The following KIRREL3 variants were observed in gnomAD, a reference collection of about 807,000 sequenced individuals.
KIRREL3 encodes kirre like nephrin family adhesion molecule 3.
A neutral mutation model predicts 89.7 loss-of-function variants in KIRREL3; 36 were observed. The ratio of observed to expected loss-of-function variants is 0.40; its 90% confidence interval spans 0.31 to 0.53. KIRREL3 has a LOEUF of 0.53. Among genes scored for constraint, KIRREL3 ranks in the 20% least tolerant of loss-of-function variants. The pLI, the probability that KIRREL3 is intolerant of heterozygous loss-of-function variation, is 0.49. For missense variants in KIRREL3, 864 were observed against 1,056.6 expected (o/e 0.82, Z 2.53); for synonymous variants, 445 against 441.4 (o/e 1.01, Z -0.10).
At chr11:126,580,243 G>T (rs1260655926) in intron 1 of KIRREL3, among the ~76,000 whole-genome samples, 1 of 152,204 alleles carries the variant, frequency 6.6e-6, no homozygotes, top group Non-Finnish European at 1.5e-5. Flanking sequence ...GGGCACAGCT[G>T]AAAGCATAAA....
chr11:126,949,594 A>G (rs557531697), intron 1 of KIRREL3, among the ~76,000 whole-genome samples: 3 of 152,220 alleles, frequency 2.0e-5, no homozygotes, highest in Non-Finnish European at 2.9e-5. Context: ...CCATTCAGCC[A>G]TCAACAAAAG....
At position 126,995,454 on chromosome 11, in the gene KIRREL3, C is replaced by A. The variant is rs546053352; in HGVS notation, c.55+5001G>T. 1.0e-5 allele frequency: 4 copies of A among 393,510 alleles called. No homozygotes were observed. Among genetic ancestry groups the A allele is most frequent in the Admixed American group, 6.3e-5 (2 of 31,786 alleles). 24.4% of individuals were successfully genotyped at this position (393,510 alleles called of 1,614,324 possible). A position where few individuals can be genotyped will look rare whatever the true frequency, so the allele number is the denominator to read the frequency against. On this transcript the variant is annotated intron_variant, in intron 1 of 16. Transcript: ENST00000525144. The surrounding 1 kb of genome is among the most constrained non-coding windows in gnomAD (Gnocchi z 6.5). Reference sequence around the variant, plus strand: ...GGACCCCAATAAAAAAACGCCTGCACTGTTTTTCACCTAAGGTCATCTCGA... The same window carrying A: ...GGACCCCAATAAAAAAACGCCTGCAATGTTTTTCACCTAAGGTCATCTCGA...
chr11:126,424,187 G>C lies in KIRREL3; in HGVS notation c.*393C>G, dbSNP rs1591509579. On this transcript the variant is annotated 3_prime_UTR_variant, in exon 17 of 17. Transcript: ENST00000525144. ...AGGCACAGGGGTAGGTAGAGCTTCT[G>C]GTCAGCGAGGGGTAGAGCCCACAGA... 3.8e-6 allele frequency: 1 copy of C among 262,190 alleles called. No homozygotes were observed. Among genetic ancestry groups the C allele is most frequent in the East Asian group, 8.9e-5 (1 of 11,202 alleles). 16.2% of individuals were successfully genotyped at this position (262,190 alleles called of 1,614,324 possible).
chr11:126,446,776 T>C lies in KIRREL3; in HGVS notation c.1108A>G (p.Lys370Glu). 1 of 1,602,402 alleles carries C rather than the reference T, an allele frequency of 6.2e-7. No homozygotes were observed. The highest frequency in any genetic ancestry group is 8.5e-7 in the Non-Finnish European group (1 of 1,174,806). ...AGCCTCACCACTCCGGAGCCCCGCT[T>C]CATCCAGACGATGGTCAGGGATGGG... ...GNPSLTIVWMKRGSGVVLSNE... is the reference protein window; with the variant it reads ...GNPSLTIVWMERGSGVVLSNE... Residue 370 changes from lysine (K) to glutamate (E), a missense_variant, in exon 9 of 17, where the codon AAG becomes GAG. Transcript: ENST00000525144.
At chr11:126,910,933 A>C (rs1210126654) in intron 1 of KIRREL3, among the ~76,000 whole-genome samples, 1 of 152,240 alleles carries the variant, frequency 6.6e-6, no homozygotes, top group Non-Finnish European at 1.5e-5. Flanking sequence ...GCAGTGAGCA[A>C]GACTGAAAGA....
chr11:126,488,367 C>A (rs774858077), intron 4 of KIRREL3, among the ~76,000 whole-genome samples: 4 of 152,232 alleles, frequency 2.6e-5, no homozygotes, highest in Non-Finnish European at 5.9e-5. Flanking sequence ...AGTTTATCAA[C>A]CTTCCTGAGC....
At position 126,430,964 on chromosome 11, in the gene KIRREL3, T is replaced by G; in HGVS notation, c.1696+455A>C. On this transcript the variant is annotated intron_variant, in intron 14 of 16. Transcript: ENST00000525144. This position sits in a 1 kb window ranked among gnomAD's most constrained non-coding sequence, Gnocchi z 6.6. ...TAAAAGTTTTCTCAAAGCAATTCCT[T>G]TATTGCTTCCCCACCCACTCCCCCA... 9.5e-7 allele frequency: 1 copy of G among 1,057,062 alleles called. No individual in the cohort carries two copies. The highest frequency in any genetic ancestry group is 1.1e-6 in the Non-Finnish European group (1 of 876,010). The allele number at this position is 1,057,062 out of a possible 1,614,324, so 65.5% of individuals were successfully genotyped here.
At position 126,447,020 on chromosome 11, in the gene KIRREL3, G is replaced by A. The variant is rs549082875; in HGVS notation, c.998-134C>T. The A allele has an allele frequency of 3.3e-5, 37 of 1,111,774 alleles. 1 individual carries two copies. The highest frequency in any genetic ancestry group is 2.4e-4 in the South Asian group (15 of 63,566). The allele number at this position is 1,111,774 out of a possible 1,614,324, so 68.9% of individuals were successfully genotyped here. On this transcript the variant is annotated intron_variant, in intron 8 of 16. Transcript: ENST00000525144. ...GTGGGGTACTTGTGCCACCTCAGTC[G>A]CTTCCATTTTAAGTCTTATGTCCGG...
intron 1 of KIRREL3, among the ~76,000 whole-genome samples, chr11:126,998,480 T>C (rs1195212681): frequency 6.6e-6 from 1 of 152,148 alleles, no homozygotes; most frequent in African/African-American, 2.4e-5. Context: ...TGGACAGTGA[T>C]GGCCAAGCTC....
intron 1 of KIRREL3, among the ~76,000 whole-genome samples, chr11:126,745,080 A>G (rs1266014336): frequency 1.3e-5 from 2 of 152,114 alleles, no homozygotes; most frequent in South Asian, 2.1e-4. Context: ...CACGCCAGGT[A>G]TCACCTCCCT....
At position 126,615,988 on chromosome 11, in the gene KIRREL3, G is replaced by A. The variant is rs956489356; in HGVS notation, c.56-53076C>T. On this transcript the variant is annotated intron_variant, in intron 1 of 16. Coordinates refer to ENST00000525144, the MANE Select transcript of KIRREL3 (RefSeq NM_032531.4). This position sits in a 1 kb window ranked among gnomAD's most constrained non-coding sequence, Gnocchi z 5.4. ...GTGTGGGGTGCGTGGGTGGGGAGATGCATGACTGCTTTGGTTATGAAACAT... is the reference window on the plus strand; with the variant it reads ...GTGTGGGGTGCGTGGGTGGGGAGATACATGACTGCTTTGGTTATGAAACAT... 3.9e-5 allele frequency among the ~76,000 whole-genome samples: 6 copies of A among 152,122 alleles called. No individual in the cohort carries two copies. The highest frequency in any genetic ancestry group is 1.4e-4 in the African/African-American group (6 of 41,430).
intron 1 of KIRREL3, among the ~76,000 whole-genome samples, chr11:126,910,147 C>G (rs1946757599): frequency 1.3e-5 from 2 of 152,242 alleles, no homozygotes; most frequent in East Asian, 3.9e-4. Context: ...ATACACACAG[C>G]TCAATCTTCT....
At chr11:126,765,991 G>C (rs1256668324) in intron 1 of KIRREL3, among the ~76,000 whole-genome samples, 1 of 152,042 alleles carries the variant, frequency 6.6e-6, no homozygotes. Flanking sequence ...AGCTACCTGA[G>C]CTTGGGCATG....
chr11:126,590,819 C>T (rs663847), intron 1 of KIRREL3, among the ~76,000 whole-genome samples: 119,585 of 152,156 alleles, frequency 0.79, 46,987 homozygotes, highest in South Asian at 0.8. Context: ...ACCACTCCCT[C>T]GCTGGCCATC....
chr11:126,457,203 GTGTGTGTA>G (rs1265828872), intron 6 of KIRREL3, among the ~76,000 whole-genome samples: 5 of 151,362 alleles, frequency 3.3e-5, no homozygotes, highest in African/African-American at 7.3e-5. Flanking sequence ...GTGTGTGTGT[GTGTGTGTA>G]TGTGTATGTG....
At position 126,519,690 on chromosome 11, in the gene KIRREL3, G is replaced by T. The variant is rs1242670538; in HGVS notation, c.433+1625C>A. ...GGCAGATTCTTCTGAGGATGGAGGG[G>T]CTGAGCCATCTCTGAAGATGAGGAG... On this transcript the variant is annotated intron_variant, in intron 4 of 16. Coordinates refer to ENST00000525144, the MANE Select transcript of KIRREL3 (RefSeq NM_032531.4). This position sits in a 1 kb window ranked among gnomAD's most constrained non-coding sequence, Gnocchi z 4.3. Among the ~76,000 whole-genome samples, 1 of 152,134 alleles carries T rather than the reference G, an allele frequency of 6.6e-6. No individual in the cohort carries two copies. The highest frequency in any genetic ancestry group is 1.9e-4 in the East Asian group (1 of 5,200).
chr11:126,596,012 A>T (rs957967513), intron 1 of KIRREL3, among the ~76,000 whole-genome samples: 3 of 152,186 alleles, frequency 2.0e-5, no homozygotes, highest in Non-Finnish European at 4.4e-5. Context: ...GAGGTCTCCA[A>T]GCAGGTGGGG....
In KIRREL3 at chr11:126,652,239, C is replaced by T. The variant is rs779548468; in HGVS notation, c.56-89327G>A. 1.3e-5 allele frequency among the ~76,000 whole-genome samples: 2 copies of T among 152,036 alleles called. No individual in the cohort carries two copies. The highest frequency in any genetic ancestry group is 4.8e-5 in the African/African-American group (2 of 41,372). ...TTCCGGTGTCTGTTAACCCCCCACC[C>T]CTTGTTCTTTGTGTGAAACCAGCAC... On this transcript the variant is annotated intron_variant, in intron 1 of 16. Coordinates refer to ENST00000525144, the MANE Select transcript of KIRREL3 (RefSeq NM_032531.4). This position sits in a 1 kb window ranked among gnomAD's most constrained non-coding sequence, Gnocchi z 4.9.
Position 126,430,973 on chromosome 11 carries a change from C to T in KIRREL3, c.1696+446G>A, listed in dbSNP as rs1170910102. 4 of 1,076,918 alleles carry T rather than the reference C, an allele frequency of 3.7e-6. No individual in the cohort carries two copies. In the Admixed American group the frequency reaches 1.4e-4, roughly 39 times the overall value. 66.7% of individuals were successfully genotyped at this position (1,076,918 alleles called of 1,614,324 possible). ...TCTCAAAGCAATTCCTTTATTGCTT[C>T]CCCACCCACTCCCCCACAGCTGTGT... On this transcript the variant is annotated intron_variant, in intron 14 of 16. Transcript: ENST00000525144. The surrounding 1 kb of genome is among the most constrained non-coding windows in gnomAD (Gnocchi z 6.6).
Sources: allele counts gnomAD v4.1 joint callset (sites outside exome capture counted in the v4.1 genomes callset), GRCh38; gene constraint gnomAD v4.1.1; non-coding constraint Gnocchi (gnomAD v3.1); transcripts MANE v1.5; gene names NCBI Gene and HGNC (gene_info 2026-07-23, HGNC 2026-07-21).